PPCDC: variants seen among roughly 807,000 people sequenced by gnomAD.
PPCDC encodes phosphopantothenoylcysteine decarboxylase.
In PPCDC, 20 loss-of-function variants were observed where a neutral mutation model predicts 20.7. The ratio of observed to expected loss-of-function variants is 0.97; its 90% CI spans 0.68 to 1.41. The LOEUF is 1.41. PPCDC is among the 40% of genes most tolerant of loss of function. The pLI, the probability that PPCDC is intolerant of heterozygous loss-of-function variation, is 0.00. For synonymous variants in PPCDC, 88 were observed against 100.3 expected, an observed-to-expected ratio of 0.88 and a Z score of 0.73; for missense variants, 246 against 263.8, an observed-to-expected ratio of 0.93 and a Z score of 0.47.
chr15:75,043,697 A>G, intron 3 of PPCDC, 161 bp downstream of exon 3: 1 of 656,760 alleles, frequency 1.5e-6, no homozygotes, highest in Non-Finnish European at 2.6e-6. Flanking sequence ...ACATCTGTCT[A>G]GCTTCTGGCC....
At chr15:75,033,859 G>C (rs2141481787) in intron 2 of PPCDC, among the ~76,000 whole-genome samples, 1 of 152,304 alleles carries the variant, frequency 6.6e-6, no homozygotes, top group African/African-American at 2.4e-5. Flanking sequence ...TGATTGCCCA[G>C]AACAACGTTC....
intron 3 of PPCDC, among the ~76,000 whole-genome samples, chr15:75,044,106 G>A (rs1030176258): frequency 7.6e-5 from 10 of 131,726 alleles, no homozygotes; most frequent in African/African-American, 2.5e-4. Context: ...GCCTCAAGCA[G>A]ACAGGCCGGG....
chr15:75,044,655 C>T (rs1456764140), intron 4 of PPCDC, 141 bp downstream of exon 4: 17 of 1,175,678 alleles, frequency 1.4e-5, no homozygotes, highest in East Asian at 2.7e-5. Flanking sequence ...TTCCCCACAT[C>T]GCCCCCAGTG....
intron 4 of PPCDC, among the ~76,000 whole-genome samples, chr15:75,046,253 C>T (rs1041891103): frequency 7.2e-5 from 11 of 152,376 alleles, no homozygotes; most frequent in African/African-American, 2.4e-4. Context: ...ACTGGTGCCA[C>T]AACTGACATG....
intron 2 of PPCDC, among the ~76,000 whole-genome samples, chr15:75,029,882 C>T (rs1413685316): frequency 6.6e-6 from 1 of 152,264 alleles, no homozygotes; most frequent in Non-Finnish European, 1.5e-5. Context: ...GCGGGGAGTC[C>T]TATCCCAGGA....
chr15:75,038,891 G>T (rs2141488524), intron 2 of PPCDC, among the ~76,000 whole-genome samples: 1 of 151,438 alleles, frequency 6.6e-6, no homozygotes, highest in African/African-American at 2.4e-5. Context: ...CTTTCTGGAA[G>T]ATTTCTTTTA....
At chr15:75,034,458 T>A (rs2066061837) in intron 2 of PPCDC, among the ~76,000 whole-genome samples, 1 of 152,250 alleles carries the variant, frequency 6.6e-6, no homozygotes, top group Admixed American at 6.5e-5. Flanking sequence ...AGAGGCATCA[T>A]CATGAGCCAT....
intron 1 of PPCDC, among the ~76,000 whole-genome samples, chr15:75,026,710 T>C (rs956388146): frequency 2.6e-5 from 4 of 152,236 alleles, no homozygotes; most frequent in African/African-American, 9.6e-5. Context: ...TGCCTGGGTT[T>C]CCCTTGCCAT....
At position 75,048,591 on chromosome 15, in the gene PPCDC, G is replaced by C; in HGVS notation, c.399G>C (p.Leu133=). ...GGGCCTGGGACCGCAGCAAGCCCCT[G>C]CTCTTCTGCCCGGCCATGAACACCG... is the stretch of plus-strand genomic sequence containing the variant. ...VMRAWDRSKP[L]LFCPAMNTAM... Residue 133 remains leucine (L), a synonymous_variant, in exon 5 of 6, where the codon CTG becomes CTC. Transcript: ENST00000342932. The C allele has an allele frequency of 6.2e-7, 1 of 1,614,214 alleles. No individual in the cohort carries two copies.
Position 75,043,521 on chromosome 15 carries a change from C to G in PPCDC, c.216C>G (p.Asp72Glu), listed in dbSNP as rs74831578. The part of the protein sequence containing the change: ...PQDIPVTLYS[D>E]ADEWEIWKSR... Reference sequence around the variant, plus strand: ...ACATTCCTGTCACCCTCTACAGCGACGCTGATGAATGGGAGGTCAGTGCTG... The same window carrying G: ...ACATTCCTGTCACCCTCTACAGCGAGGCTGATGAATGGGAGGTCAGTGCTG... Residue 72 changes from aspartate to glutamate, a missense_variant, in exon 3 of 6, where the codon GAC becomes GAG. By Grantham distance (45) the Asp-to-Glu change is conservative (BLOSUM62 2). Transcript: ENST00000342932. 1 of 1,610,416 alleles carries G rather than the reference C, an allele frequency of 6.2e-7. No homozygotes were observed. The highest frequency in any genetic ancestry group is 8.5e-7 in the Non-Finnish European group (1 of 1,178,212).
rs756741371 is a variant in PPCDC at position 75,043,552 on chromosome 15, C to T, written c.231+16C>T. The stretch of plus-strand genomic sequence containing the variant: ...TGAATGGGAGGTCAGTGCTGGGGCC[C>T]CTGGGCTGAGTTCCATTGAGTTTCC... On this transcript the variant is annotated intron_variant, in intron 3 of 5. Transcript: ENST00000342932. The T allele has an allele frequency of 1.3e-6, 2 of 1,587,558 alleles. No homozygotes were observed. The highest frequency in any genetic ancestry group is 1.3e-5 in the African/African-American group (1 of 74,164).
At chr15:75,028,185 G>A in intron 1 of PPCDC, 62 bp from the exon 2 acceptor site, 1 of 1,230,616 alleles carries the variant, frequency 8.1e-7, no homozygotes, top group South Asian at 1.6e-5. Context: ...CCTAATACGT[G>A]GTGCTCCATA....
At chr15:75,035,041 T>TA (rs936090716) in intron 2 of PPCDC, among the ~76,000 whole-genome samples, 25 of 152,056 alleles carry the variant, frequency 1.6e-4, no homozygotes, top group Admixed American at 1.4e-3. Flanking sequence ...TAGAATTTAA[T>TA]AAAAAATTCA....
intron 3 of PPCDC, 44 bp from the exon 4 acceptor site, chr15:75,044,342 A>C (rs1192515235): frequency 6.2e-7 from 1 of 1,607,122 alleles, no homozygotes; most frequent in Non-Finnish European, 8.5e-7. Context: ...TTGGCGCTGC[A>C]TCCTGCTTCC....
In PPCDC at chr15:75,037,216, A is replaced by G. The variant is rs78076030; in HGVS notation, c.136-6225A>G. On this transcript the variant is annotated intron_variant, in intron 2 of 5. Coordinates refer to ENST00000342932, the MANE Select transcript of PPCDC (RefSeq NM_021823.5). Reference sequence around the variant, plus strand: ...GCAGAAGCAGGCAGTGTATTAGCAGAGATGTGGTCTCTGGCTACCTGAAGC... The same window carrying G: ...GCAGAAGCAGGCAGTGTATTAGCAGGGATGTGGTCTCTGGCTACCTGAAGC... 2.0e-5 allele frequency among the ~76,000 whole-genome samples: 3 copies of G among 152,282 alleles called. No homozygotes were observed. The East Asian group carries it at 5.8e-4, about 29-fold the overall frequency.
At position 75,028,236 on chromosome 15, in the gene PPCDC, TCTC is replaced by T. The variant is rs1178720410; in HGVS notation, c.-72-8_-72-6del. The T allele has an allele frequency of 1.9e-6, 3 of 1,546,296 alleles. No individual in the cohort carries two copies. The highest frequency in any genetic ancestry group is 4.3e-5 in the Admixed American group (2 of 46,912). ...TATGAATGAAGGGGGTGGCCCTTGT[TCTC>T]CTTTTAGATCCTAAATCCCGACAGC... is the stretch of plus-strand genomic sequence containing the variant. On this transcript the variant is annotated splice_region_variant and splice_polypyrimidine_tract_variant and intron_variant, in intron 1 of 5. Coordinates refer to ENST00000342932, the MANE Select transcript of PPCDC (RefSeq NM_021823.5).
intron 2 of PPCDC, among the ~76,000 whole-genome samples, chr15:75,032,987 G>A (rs1567050799): frequency 6.6e-6 from 1 of 151,844 alleles, no homozygotes. Context: ...TCTTTTTGTA[G>A]ATACAGGATT....
chr15:75,032,724 A>ACC (rs71434252), intron 2 of PPCDC, among the ~76,000 whole-genome samples: 4,986 of 96,450 alleles, frequency 0.052, 528 homozygotes, highest in Middle Eastern at 0.11. Context: ...AGCAAACTGG[A>ACC]CCCCCCCCCC....
At chr15:75,046,883 G>A (rs1435126267) in intron 4 of PPCDC, among the ~76,000 whole-genome samples, 1 of 152,250 alleles carries the variant, frequency 6.6e-6, no homozygotes, top group Non-Finnish European at 1.5e-5. Context: ...ACAGGCAGTC[G>A]GACCTAGAAA....
Sources: allele counts gnomAD v4.1 joint callset (sites outside exome capture counted in the v4.1 genomes callset), GRCh38; gene constraint gnomAD v4.1.1; transcripts MANE v1.5; gene names NCBI Gene and HGNC (gene_info 2026-07-23, HGNC 2026-07-21).